Variants in STK32B observed in about 807,000 individuals in gnomAD.
STK32B encodes serine/threonine-protein kinase 32B.
A neutral mutation model predicts 52.6 loss-of-function variants in STK32B; 43 were observed. The observed-to-expected ratio is 0.82, with a 90% CI of 0.64 to 1.05. The LOEUF is 1.05. STK32B is among the 50% of genes least tolerant of loss of function. The pLI is 0.00. For missense variants in STK32B, 621 were observed against 534.6 expected (o/e 1.16, Z -1.59); for synonymous variants, 238 against 204.3 (o/e 1.17, Z -1.41).
rs536134777 is a variant in STK32B, at chr4:5,171,330, T to C, written c.260+2880T>C. Among the ~76,000 whole-genome samples, 1,454 of 152,166 alleles carry C rather than the reference T, an allele frequency of 9.6e-3. 8 individuals are homozygous for C. Among genetic ancestry groups the C allele is most frequent in the South Asian group, 0.019 (92 of 4,816 alleles). On this transcript the variant is annotated intron_variant, in intron 3 of 11. Transcript: ENST00000282908. ...AGTTTAATGAGATCCCATTTGTCAA[T>C]TTTGGCTTTTGTTGCCATTGCTTTT... is the stretch of plus-strand genomic sequence containing the variant.
intron 3 of STK32B, among the ~76,000 whole-genome samples, chr4:5,286,820 C>T (rs28436111): frequency 0.33 from 41,500 of 125,630 alleles, 11,139 homozygotes; most frequent in African/African-American, 0.77. Flanking sequence ...TTTTTTGAGA[C>T]GGAGTTTCGC....
At chr4:5,099,455 C>CGTGCGCGCGCAT (rs1560150375) in intron 1 of STK32B, among the ~76,000 whole-genome samples, 3 of 36,572 alleles carry the variant, frequency 8.2e-5, no homozygotes, top group African/African-American at 5.1e-4. Flanking sequence ...TGTGTGCGCG[C>CGTGCGCGCGCAT]GCGCGTATGT....
At chr4:5,476,309 G>T (rs925528155) in intron 11 of STK32B, among the ~76,000 whole-genome samples, 3 of 152,160 alleles carry the variant, frequency 2.0e-5, no homozygotes, top group Admixed American at 2.0e-4. Context: ...AGGTCTGAGG[G>T]ATTCTCAAGC....
chr4:5,444,322 C>A (rs560422293), intron 6 of STK32B, among the ~76,000 whole-genome samples: 90 of 152,200 alleles, frequency 5.9e-4, no homozygotes, highest in Non-Finnish European at 9.0e-4. Flanking sequence ...TTTTTAAGCC[C>A]GTCGGAAAAG....
the STK32B span, among the ~76,000 whole-genome samples, chr4:5,034,174 G>A: frequency 2.0e-5 from 3 of 152,168 alleles, no homozygotes; most frequent in Non-Finnish European, 4.4e-5. Context: ...GGACTCTTAC[G>A]TAAAGTTCCT....
intron 11 of STK32B, among the ~76,000 whole-genome samples, chr4:5,495,989 G>A (rs186513986): frequency 2.1e-5 from 3 of 141,358 alleles, no homozygotes; most frequent in Non-Finnish European, 4.4e-5. Context: ...TGCCCCTACT[G>A]GGGGGTGCCT....
intron 3 of STK32B, among the ~76,000 whole-genome samples, chr4:5,319,216 A>T (rs1216285505): frequency 6.6e-6 from 1 of 152,176 alleles, no homozygotes; most frequent in Non-Finnish European, 1.5e-5. Flanking sequence ...CACCACAATA[A>T]TTCCTGTATG....
At chr4:5,298,002 G>T (rs566608116) in intron 3 of STK32B, among the ~76,000 whole-genome samples, 1 of 152,270 alleles carries the variant, frequency 6.6e-6, no homozygotes, top group African/African-American at 2.4e-5. Flanking sequence ...CAATGCTATT[G>T]CTTTCTGTTT....
At chr4:5,024,257 G>A in the STK32B span, among the ~76,000 whole-genome samples, 1 of 152,188 alleles carries the variant, frequency 6.6e-6, no homozygotes, top group Non-Finnish European at 1.5e-5. Context: ...GATGATTTTA[G>A]ATACTCTGGG....
rs1158116743 is a variant in STK32B at position 5,317,525 on chromosome 4, T to TAC, written c.261-13694_261-13693insCA. On this transcript the variant is annotated intron_variant, in intron 3 of 11. Coordinates refer to ENST00000282908, the MANE Select transcript of STK32B (RefSeq NM_018401.3). The stretch of plus-strand genomic sequence containing the variant: ...TTATATATGTATAATATATTTATTA[T>TAC]ATATATATTACATGTATATATATAT... Among the ~76,000 whole-genome samples, 353 of 101,922 alleles carry TAC rather than the reference T, an allele frequency of 3.5e-3. 52 individuals carry two copies. The highest frequency in any genetic ancestry group is 0.02 in the African/African-American group (337 of 16,964). The allele number at this position is 101,922 out of a possible 152,430, so 66.9% of individuals were successfully genotyped here. A position where few individuals can be genotyped will look rare whatever the true frequency, so the allele number is the denominator to read the frequency against.
chr4:5,036,684 T>C, the STK32B span, among the ~76,000 whole-genome samples: 1,015 of 114,052 alleles, frequency 8.9e-3, 9 homozygotes, highest in African/African-American at 0.03. Context: ...TTTTTTTTTT[T>C]CGAGATGGAG....
chr4:5,167,045 T>G (rs1718925817), intron 2 of STK32B, among the ~76,000 whole-genome samples: 2 of 152,212 alleles, frequency 1.3e-5, no homozygotes, highest in Non-Finnish European at 2.9e-5. Flanking sequence ...GTGCTTGCTG[T>G]GTCTCCTCGG....
chr4:5,334,525 T>G (rs969572513), intron 4 of STK32B, among the ~76,000 whole-genome samples: 13 of 148,964 alleles, frequency 8.7e-5, no homozygotes, highest in African/African-American at 3.2e-4. Context: ...TTAACAGGAG[T>G]GGTGAGAGAG....
At chr4:5,351,189 C>T (rs572603793) in intron 4 of STK32B, among the ~76,000 whole-genome samples, 2 of 152,184 alleles carry the variant, frequency 1.3e-5, no homozygotes, top group African/African-American at 4.8e-5. Flanking sequence ...TACATCAGTA[C>T]ATGAAACATT....
At chr4:5,132,811 T>G (rs74486746) in intron 1 of STK32B, among the ~76,000 whole-genome samples, 36 of 152,130 alleles carry the variant, frequency 2.4e-4, no homozygotes, top group African/African-American at 6.0e-4. Context: ...TTTTTTTTTT[T>G]GGGACAGAGT....
chr4:5,043,112 C>CAAAAAAAAA, the STK32B span, among the ~76,000 whole-genome samples: 1 of 74,368 alleles, frequency 1.3e-5, no homozygotes, highest in African/African-American at 5.3e-5. Context: ...GACTCCGTCT[C>CAAAAAAAAA]AAAAAAAAAA....
At chr4:5,092,174 T>C (rs770628399) in intron 1 of STK32B, among the ~76,000 whole-genome samples, 1 of 152,216 alleles carries the variant, frequency 6.6e-6, no homozygotes, top group Admixed American at 6.5e-5. Context: ...AATATTGTTA[T>C]GCTCAAGTTC....
At chr4:5,487,649 C>T (rs558223093) in intron 11 of STK32B, among the ~76,000 whole-genome samples, 17 of 152,266 alleles carry the variant, frequency 1.1e-4, no homozygotes, top group African/African-American at 4.1e-4. Context: ...GGGTTATCGT[C>T]AAAATAGCCT....
chr4:5,157,654 T>A (rs757514900), intron 2 of STK32B, among the ~76,000 whole-genome samples: 1 of 152,224 alleles, frequency 6.6e-6, no homozygotes, highest in Non-Finnish European at 1.5e-5. Flanking sequence ...GCAGGCTGTG[T>A]ATCTCCAGTG....
Sources: allele counts gnomAD v4.1 joint callset (sites outside exome capture counted in the v4.1 genomes callset), GRCh38; gene constraint gnomAD v4.1.1; transcripts MANE v1.5; gene names NCBI Gene and HGNC (gene_info 2026-07-23, HGNC 2026-07-21).